DAB1: variants seen among roughly 807,000 people sequenced by gnomAD.
DAB1 encodes the protein disabled homolog 1.
In DAB1, 15 loss-of-function variants were observed where a neutral mutation model predicts 64.6. That is an observed-to-expected ratio of 0.23 (90% confidence interval 0.16 to 0.36). DAB1 has a LOEUF of 0.36. Ranked by LOEUF, DAB1 falls within the 10% of genes least tolerant of loss-of-function variation. DAB1 has a pLI of 1.00. For missense variants in DAB1, 596 were observed against 706.7 expected, an observed-to-expected ratio of 0.84 and a Z score of 1.78; for synonymous variants, 235 against 251.9, an observed-to-expected ratio of 0.93 and a Z score of 0.64.
At chr1:57,511,106 A>G (rs899718196) in intron 7 of DAB1, among the ~76,000 whole-genome samples, 6 of 152,332 alleles carry the variant, frequency 3.9e-5, no homozygotes, top group African/African-American at 1.2e-4. Context: ...GATGATTGCA[A>G]TAGTCCCTAA....
At chr1:57,392,410 G>A (rs1421877549) in intron 1 of DAB1, among the ~76,000 whole-genome samples, 2 of 151,988 alleles carry the variant, frequency 1.3e-5, no homozygotes, top group Non-Finnish European at 2.9e-5. Flanking sequence ...AGCATATAAC[G>A]AACACTCCTA....
chr1:58,388,196 T>C (rs1230010769), intron 3 of DAB1, among the ~76,000 whole-genome samples: 1 of 152,136 alleles, frequency 6.6e-6, no homozygotes, highest in Non-Finnish European at 1.5e-5. Context: ...GTTCACTATA[T>C]TTTGGGGTAT....
intron 3 of DAB1, among the ~76,000 whole-genome samples, chr1:58,433,507 A>C (rs1440458769): frequency 1.3e-5 from 2 of 151,858 alleles, no homozygotes; most frequent in Middle Eastern, 3.2e-3. Flanking sequence ...GCTTCTGGCA[A>C]GAGACTTTGT....
At chr1:58,447,653 T>C (rs1014808833) in intron 3 of DAB1, among the ~76,000 whole-genome samples, 2 of 152,060 alleles carry the variant, frequency 1.3e-5, no homozygotes, top group Admixed American at 1.3e-4. Context: ...CGATACACAG[T>C]GCTAATGGCA....
intron 4 of DAB1, among the ~76,000 whole-genome samples, chr1:58,307,746 G>C (rs1213178491): frequency 6.6e-5 from 10 of 152,024 alleles, no homozygotes; most frequent in Non-Finnish European, 1.5e-4. Context: ...CAGCATTTTG[G>C]GGGTGAAGTG....
At chr1:58,491,749 A>C (rs1366202449) in intron 3 of DAB1, among the ~76,000 whole-genome samples, 6 of 152,234 alleles carry the variant, frequency 3.9e-5, no homozygotes, top group Admixed American at 3.9e-4. Context: ...ATACAGGAGC[A>C]CCCAGATTCA....
At chr1:57,066,763 C>T (rs1451001835) in intron 8 of DAB1, among the ~76,000 whole-genome samples, 2 of 152,166 alleles carry the variant, frequency 1.3e-5, no homozygotes, top group Admixed American at 6.5e-5. Context: ...CTCTCCTCCT[C>T]GTTTTACGTT....
intron 4 of DAB1, among the ~76,000 whole-genome samples, chr1:58,296,386 G>A (rs547990301): frequency 4.1e-4 from 63 of 152,246 alleles, no homozygotes; most frequent in Admixed American, 9.2e-4. Context: ...AATATGATCC[G>A]CTGGCAAAGG....
intron 4 of DAB1, among the ~76,000 whole-genome samples, chr1:58,282,604 C>CAAAA (rs1661587806): frequency 4.4e-5 from 1 of 22,750 alleles, no homozygotes. Context: ...AGCCTTTGTT[C>CAAAA]TAAAAAAAAA....
intron 5 of DAB1, among the ~76,000 whole-genome samples, chr1:57,915,841 G>A (rs1438058211): frequency 6.6e-6 from 1 of 152,174 alleles, no homozygotes; most frequent in Non-Finnish European, 1.5e-5. Flanking sequence ...TATGGAAAAA[G>A]TTCATCTTGG....
chr1:57,629,526 T>C (rs1645962084), intron 7 of DAB1, among the ~76,000 whole-genome samples: 1 of 152,142 alleles, frequency 6.6e-6, no homozygotes, highest in Non-Finnish European at 1.5e-5. Context: ...TTTTGAAACA[T>C]GTTAGTTTTC....
intron 3 of DAB1, among the ~76,000 whole-genome samples, chr1:58,481,363 A>G (rs1028774191): frequency 1.1e-4 from 16 of 152,142 alleles, no homozygotes; most frequent in African/African-American, 3.9e-4. Flanking sequence ...TGTTTTCATG[A>G]TTTGGTCAAA....
At chr1:57,923,397 G>A (rs1405227920) in intron 5 of DAB1, among the ~76,000 whole-genome samples, 1 of 152,162 alleles carries the variant, frequency 6.6e-6, no homozygotes, top group Non-Finnish European at 1.5e-5. Flanking sequence ...GCATCAGTAT[G>A]GCAGGGCACA....
rs898910842 is a variant in DAB1 at position 57,629,799 on chromosome 1, CCA to C, written n.625+19791_625+19792del. 1.0e-3 allele frequency among the ~76,000 whole-genome samples: 153 copies of C among 149,842 alleles called. 1 individual carries two copies. The highest frequency in any genetic ancestry group is 3.4e-3 in the African/African-American group (141 of 40,954). On this transcript the variant is annotated intron_variant and non_coding_transcript_variant, in intron 7 of 20. Transcript: ENST00000485760. ...CCTGCCAGAAGGAGGCCTTCTAGAC[CCA>C]CGGAGCAAAGAGATATTGTCATAGC...
At chr1:58,220,854 T>C (rs1422231681) in intron 4 of DAB1, among the ~76,000 whole-genome samples, 1 of 99,428 alleles carries the variant, frequency 1.0e-5, no homozygotes, top group African/African-American at 3.5e-5. Flanking sequence ...TACACATTTA[T>C]ACACATATAT....
At chr1:57,553,458 A>AAGAAAGAAAGAAAGAAAGAAAGAGAGAG (rs1458260279) in intron 7 of DAB1, among the ~76,000 whole-genome samples, 1 of 132,138 alleles carries the variant, frequency 7.6e-6, no homozygotes, top group Non-Finnish European at 1.6e-5. Context: ...GAAAGAAAGA[A>AAGAAAGAAAGAAAGAAAGAAAGAGAGAG]AGAGAAAGGG....
At chr1:57,274,732 C>A (rs952069685) in intron 2 of DAB1, among the ~76,000 whole-genome samples, 1 of 152,122 alleles carries the variant, frequency 6.6e-6, no homozygotes, top group African/African-American at 2.4e-5. Flanking sequence ...AGGCGAGCAC[C>A]ACCACGCCTG....
At chr1:57,122,090 G>A (rs1308764562) in intron 4 of DAB1, among the ~76,000 whole-genome samples, 2 of 152,222 alleles carry the variant, frequency 1.3e-5, no homozygotes, top group Admixed American at 6.5e-5. Context: ...CTTACTTAAT[G>A]AGAATGATTC....
chr1:57,003,071 G>A (rs967202139), intron 14 of DAB1, among the ~76,000 whole-genome samples: 1 of 152,168 alleles, frequency 6.6e-6, no homozygotes, highest in Non-Finnish European at 1.5e-5. Context: ...ATAGCACATA[G>A]GTGCAATTGC....
Sources: gnomAD v4.1 joint callset for allele counts (sites outside exome capture counted in the v4.1 genomes callset) on GRCh38, gnomAD v4.1.1 for gene constraint, MANE v1.5 for transcripts, NCBI Gene and HGNC (gene_info 2026-07-23, HGNC 2026-07-21) for gene names.